GPC6: variants seen among roughly 807,000 people sequenced by gnomAD.
The protein encoded by GPC6 is glypican-6.
A neutral mutation model predicts 55.2 loss-of-function variants in GPC6; 14 were observed. The ratio of observed to expected loss-of-function variants is 0.25; its 90% CI spans 0.17 to 0.40. The LOEUF (loss-of-function observed/expected upper bound fraction) is 0.40, where lower values mean the gene tolerates loss of function less well. Ranked by LOEUF, GPC6 falls within the 10% of genes least tolerant of loss-of-function variation. GPC6 has a pLI of 1.00. For missense variants in GPC6, 641 were observed against 708.5 expected (o/e 0.90, Z 1.08); for synonymous variants, 278 against 259.6 (o/e 1.07, Z -0.68).
intron 6 of GPC6, among the ~76,000 whole-genome samples, chr13:94,309,782 A>G (rs1886928): frequency 0.4 from 59,780 of 148,672 alleles, 12,179 homozygotes; most frequent in African/African-American, 0.43. Flanking sequence ...TATCAACTGC[A>G]GTAATTCAGT....
At chr13:94,119,705 G>A (rs918207529) in intron 4 of GPC6, among the ~76,000 whole-genome samples, 7 of 152,142 alleles carry the variant, frequency 4.6e-5, no homozygotes, top group African/African-American at 9.7e-5. Context: ...AGAGGGAAGC[G>A]AGCCAGATCT....
chr13:94,208,737 C>A (rs1889979357), intron 4 of GPC6, among the ~76,000 whole-genome samples: 1 of 102,382 alleles, frequency 9.8e-6, no homozygotes, highest in Non-Finnish European at 1.8e-5. Context: ...GGCAGCAAAG[C>A]AAGACTCCCA....
chr13:94,100,263 G>A (rs773444245), intron 4 of GPC6, among the ~76,000 whole-genome samples: 8 of 152,084 alleles, frequency 5.3e-5, no homozygotes, highest in African/African-American at 1.9e-4. Flanking sequence ...TATTCTTTTT[G>A]TTTATTTGAG....
intron 6 of GPC6, among the ~76,000 whole-genome samples, chr13:94,329,387 C>G (rs1319233757): frequency 1.3e-5 from 2 of 152,162 alleles, no homozygotes; most frequent in African/African-American, 4.8e-5. Context: ...GATGTCGTTC[C>G]CAGCAGCAGA....
chr13:93,390,172 TG>T (rs1762113352), intron 1 of GPC6, among the ~76,000 whole-genome samples: 1 of 1,760 alleles, frequency 5.7e-4, no homozygotes, highest in African/African-American at 7.7e-4. Flanking sequence ...GTGAAAATTC[TG>T]TTTTTTTTTT....
Position 93,511,916 on chromosome 13 carries a change from T to A in GPC6, c.161-33347T>A, listed in dbSNP as rs142214249. 5.8e-4 allele frequency among the ~76,000 whole-genome samples: 88 copies of A among 151,994 alleles called. 1 individual carries two copies. Among genetic ancestry groups the A allele is most frequent in the Non-Finnish European group, 1.1e-3 (74 of 67,868 alleles). Reference sequence around the variant, plus strand: ...TTTAATGTATTCCAAGGCTTTGGGGTTTTTTTGTTTGTTTGTTTTTGTAGC... The same window carrying A: ...TTTAATGTATTCCAAGGCTTTGGGGATTTTTTGTTTGTTTGTTTTTGTAGC... On this transcript the variant is annotated intron_variant, in intron 1 of 8. Transcript: ENST00000377047.
intron 4 of GPC6, among the ~76,000 whole-genome samples, chr13:94,274,440 T>TG (rs1892140422): frequency 2.6e-5 from 4 of 152,242 alleles, no homozygotes; most frequent in African/African-American, 9.6e-5. Context: ...CTGTACACTG[T>TG]TTTAAATTGC....
chr13:93,636,640 C>A (rs1251589641), intron 2 of GPC6, among the ~76,000 whole-genome samples: 1 of 152,122 alleles, frequency 6.6e-6, no homozygotes, highest in African/African-American at 2.4e-5. Flanking sequence ...CTGTCTGCCA[C>A]AAAATTGATA....
intron 1 of GPC6, among the ~76,000 whole-genome samples, chr13:93,323,459 C>T (rs1262137192): frequency 2.0e-5 from 3 of 152,086 alleles, no homozygotes; most frequent in Admixed American, 1.3e-4. Context: ...TCCAAACTTC[C>T]ACCTCATTTC....
At chr13:93,963,877 T>TA in intron 3 of GPC6, among the ~76,000 whole-genome samples, 1 of 152,214 alleles carries the variant, frequency 6.6e-6, no homozygotes, top group East Asian at 1.9e-4. Flanking sequence ...CTGGCTCATG[T>TA]TCAGCCCTTT....
At chr13:93,266,505 A>G (rs949750244) in intron 1 of GPC6, among the ~76,000 whole-genome samples, 32 of 152,180 alleles carry the variant, frequency 2.1e-4, no homozygotes, top group African/African-American at 7.7e-4. Flanking sequence ...TACGTTCATT[A>G]ATACAAAGGA....
At chr13:94,225,433 T>G (rs1013583382) in intron 4 of GPC6, among the ~76,000 whole-genome samples, 2 of 152,088 alleles carry the variant, frequency 1.3e-5, no homozygotes, top group African/African-American at 4.8e-5. Context: ...TCATACGGAC[T>G]TTTTTCAAAC....
chr13:93,921,481 C>A (rs556393357), intron 3 of GPC6, among the ~76,000 whole-genome samples: 71 of 152,140 alleles, frequency 4.7e-4, no homozygotes, highest in African/African-American at 1.5e-3. Context: ...GTGGAGGTGG[C>A]TCTCAGCTGG....
intron 2 of GPC6, among the ~76,000 whole-genome samples, chr13:93,685,332 C>G (rs970894851): frequency 6.6e-6 from 1 of 152,168 alleles, no homozygotes; most frequent in Non-Finnish European, 1.5e-5. Context: ...TGAGGCATGC[C>G]CATTGCAGCC....
At chr13:93,737,200 G>A (rs1884034289) in intron 2 of GPC6, among the ~76,000 whole-genome samples, 2 of 152,152 alleles carry the variant, frequency 1.3e-5, no homozygotes, top group African/African-American at 2.4e-5. Context: ...ACTATTTGTA[G>A]AAACTAGAAT....
chr13:93,860,161 A>C (rs1305660048), intron 3 of GPC6, among the ~76,000 whole-genome samples: 1 of 151,510 alleles, frequency 6.6e-6, no homozygotes, highest in Non-Finnish European at 1.5e-5. Flanking sequence ...CCTAAATCAA[A>C]TTCTTTCTTC....
chr13:93,326,807 G>A (rs754526825), intron 1 of GPC6, among the ~76,000 whole-genome samples: 18 of 152,136 alleles, frequency 1.2e-4, no homozygotes, highest in Non-Finnish European at 2.2e-4. Context: ...AAAACAAAAT[G>A]TCCAGCGAAC....
intron 2 of GPC6, among the ~76,000 whole-genome samples, chr13:93,608,606 C>T (rs1878339973): frequency 6.6e-6 from 1 of 152,156 alleles, no homozygotes. Flanking sequence ...CTTAAGATTA[C>T]TTACCTCTCC....
intron 2 of GPC6, among the ~76,000 whole-genome samples, chr13:93,560,891 A>G (rs1430635299): frequency 1.3e-5 from 2 of 152,168 alleles, no homozygotes; most frequent in African/African-American, 4.8e-5. Flanking sequence ...TGCGCATGTC[A>G]AACCTTAAAT....
Sources: allele counts gnomAD v4.1 joint callset (sites outside exome capture counted in the v4.1 genomes callset), GRCh38; gene constraint gnomAD v4.1.1; transcripts MANE v1.5; gene names NCBI Gene and HGNC (gene_info 2026-07-23, HGNC 2026-07-21).